The following TTLL5 variants were observed in gnomAD, a reference collection of about 807,000 sequenced individuals.
TTLL5 encodes the protein tubulin tyrosine ligase like 5, also known as tubulin polyglutamylase TTLL5.
In TTLL5, 132 loss-of-function variants were observed where a neutral mutation model predicts 168.4. That is an observed-to-expected ratio of 0.78 (90% CI 0.68 to 0.91). The LOEUF is 0.91. Ranked by LOEUF, TTLL5 falls within the 40% of genes least tolerant of loss-of-function variation. TTLL5 has a pLI of 0.00. For missense variants in TTLL5, 1,545 were observed against 1,581.5 expected (o/e 0.98, Z 0.39); for synonymous variants, 546 against 558.6 (o/e 0.98, Z 0.32).
intron 17 of TTLL5, among the ~76,000 whole-genome samples, chr14:75,750,403 A>G (rs996759394): frequency 6.6e-6 from 1 of 151,392 alleles, no homozygotes; most frequent in African/African-American, 2.4e-5. Flanking sequence ...TTGACCCTTA[A>G]GCAACATGGA....
At chr14:75,719,530 CTG>C (rs1289596077) in intron 10 of TTLL5, among the ~76,000 whole-genome samples, 2 of 152,028 alleles carry the variant, frequency 1.3e-5, no homozygotes, top group African/African-American at 2.4e-5. Flanking sequence ...AAAAGGCAAA[CTG>C]TATGCATTTT....
chr14:75,886,820 T>G lies in TTLL5; in HGVS notation c.3740+3918T>G, dbSNP rs565608461. The G allele has an allele frequency of 1.5e-5, 23 of 1,565,252 alleles. No individual in the cohort carries two copies. The Admixed American group carries it at 3.2e-4, about 22-fold the overall frequency. ...TCTGAACTGTCTCTTGTAAATGAGCTTTTTTCAGAGCCAGAATCATACTCT... is the reference window on the plus strand; with the variant it reads ...TCTGAACTGTCTCTTGTAAATGAGCGTTTTTCAGAGCCAGAATCATACTCT... On this transcript the variant is annotated intron_variant, in intron 30 of 31. Transcript: ENST00000298832.
rs570225024 is a variant in TTLL5, at chr14:75,719,874, T to C, written c.934+48T>C. 5.2e-6 allele frequency: 8 copies of C among 1,548,060 alleles called. No individual in the cohort carries two copies. In the Admixed American group the frequency reaches 6.7e-5, roughly 13 times the overall value. On this transcript the variant is annotated intron_variant, in intron 11 of 31. Transcript: ENST00000298832. The stretch of plus-strand genomic sequence containing the variant: ...TCTTGACTTCTCTTCTTTGGATAAC[T>C]TTATCATTGTCTCTTGCCAGGAATC...
intron 30 of TTLL5, among the ~76,000 whole-genome samples, chr14:75,888,148 G>A (rs1019142498): frequency 7.2e-5 from 11 of 152,170 alleles, no homozygotes; most frequent in Non-Finnish European, 1.5e-4. Flanking sequence ...TCGTCATTTG[G>A]ACCTCAGTGG....
intron 14 of TTLL5, 113 bp from the exon 15 acceptor site, chr14:75,735,082 C>G (rs1888797278): frequency 1.1e-6 from 1 of 914,482 alleles, no homozygotes; most frequent in Non-Finnish European, 1.8e-6. Flanking sequence ...GGATAGATCT[C>G]TGTGATATTT....
chr14:75,872,913 A>AC (rs1431615598), intron 29 of TTLL5, among the ~76,000 whole-genome samples: 1 of 2,052 alleles, frequency 4.9e-4, no homozygotes, highest in African/African-American at 6.7e-3. Flanking sequence ...ACTCCATCTC[A>AC]AAAAAAAAAA....
intron 28 of TTLL5, among the ~76,000 whole-genome samples, chr14:75,824,003 T>G (rs175885): frequency 0.12 from 18,480 of 152,288 alleles, 1,492 homozygotes; most frequent in East Asian, 0.4. Flanking sequence ...TCTTTTAGAT[T>G]ATTCTTAGAA....
intron 2 of TTLL5, among the ~76,000 whole-genome samples, chr14:75,665,326 T>TAC (rs1883177049): frequency 6.6e-6 from 1 of 152,190 alleles, no homozygotes; most frequent in South Asian, 2.1e-4. Flanking sequence ...GTAAGATCAG[T>TAC]ACACTGGGAG....
intron 12 of TTLL5, among the ~76,000 whole-genome samples, chr14:75,729,421 C>T (rs954729811): frequency 6.6e-6 from 1 of 150,448 alleles, no homozygotes; most frequent in Non-Finnish European, 1.5e-5. Context: ...ATCTTCAATG[C>T]CCATAGAAAA....
intron 31 of TTLL5, among the ~76,000 whole-genome samples, chr14:75,937,649 C>T (rs947008206): frequency 3.9e-5 from 6 of 152,146 alleles, no homozygotes; most frequent in Admixed American, 1.3e-4. Flanking sequence ...GCTTATTTCA[C>T]TTAGCATAGT....
chr14:75,780,503 C>T (rs1199874724), intron 24 of TTLL5, among the ~76,000 whole-genome samples: 14 of 152,142 alleles, frequency 9.2e-5, no homozygotes, highest in Admixed American at 9.2e-4. Context: ...ACAAACAAAG[C>T]TCTGTGCTTT....
intron 9 of TTLL5, among the ~76,000 whole-genome samples, chr14:75,715,722 C>T (rs552726945): frequency 5.3e-5 from 8 of 151,952 alleles, no homozygotes; most frequent in East Asian, 3.9e-4. Flanking sequence ...TAGAATTCCA[C>T]GCTTTGATAT....
chr14:75,827,707 C>CTTTT lies in TTLL5; in HGVS notation c.3326+7574_3326+7577dup, dbSNP rs561078439. 1.6e-3 allele frequency among the ~76,000 whole-genome samples: 85 copies of CTTTT among 53,204 alleles called. 4 individuals are homozygous for CTTTT. The highest frequency in any genetic ancestry group is 3.9e-3 in the East Asian group (5 of 1,298). 34.9% of individuals were successfully genotyped at this position (53,204 alleles called of 152,430 possible). On this transcript the variant is annotated intron_variant, in intron 28 of 31. Transcript: ENST00000298832. Reference sequence around the variant, plus strand: ...AATCAATACCACATTTGGCTTGGTTCTTTTTTTTTTTTTTTTTTTTTTTTT... The same window carrying CTTTT: ...AATCAATACCACATTTGGCTTGGTTCTTTTTTTTTTTTTTTTTTTTTTTTTTTTT...
At chr14:75,665,744 C>T (rs1224513260) in intron 2 of TTLL5, among the ~76,000 whole-genome samples, 22 of 152,088 alleles carry the variant, frequency 1.4e-4, no homozygotes, top group South Asian at 6.3e-4. Context: ...CCCAGCTACT[C>T]GGGAGGCTGA....
At chr14:75,917,798 A>G (rs7154070) in intron 31 of TTLL5, among the ~76,000 whole-genome samples, 122,300 of 152,154 alleles carry the variant, frequency 0.8, 49,351 homozygotes, top group African/African-American at 0.87. Context: ...AGCTGAAGTG[A>G]GGAGGTAGGA....
chr14:75,857,765 C>G (rs781412353), intron 28 of TTLL5, among the ~76,000 whole-genome samples: 1 of 151,858 alleles, frequency 6.6e-6, no homozygotes, highest in Non-Finnish European at 1.5e-5. Context: ...GATTCTCCTG[C>G]CTCAGCCTCC....
intron 4 of TTLL5, among the ~76,000 whole-genome samples, chr14:75,682,743 AT>A (rs1884718434): frequency 1.3e-5 from 2 of 151,422 alleles, no homozygotes; most frequent in East Asian, 3.9e-4. Flanking sequence ...TGTAAGAGAC[AT>A]TTTGAGGAAG....
chr14:75,756,761 A>G (rs1489804701), intron 18 of TTLL5, among the ~76,000 whole-genome samples: 3 of 152,098 alleles, frequency 2.0e-5, no homozygotes, highest in African/African-American at 7.2e-5. Context: ...ACCTACCTCG[A>G]CCTCCCAAAG....
Position 75,782,475 on chromosome 14 carries a change from T to G in TTLL5, c.2516-12T>G, listed in dbSNP as rs1892117878. On this transcript the variant is annotated splice_polypyrimidine_tract_variant and intron_variant, in intron 24 of 31. Transcript: ENST00000298832. ...TTATAAGAGAGTCCAAGCTCATTAT[T>G]TCTTATTTCAGATCACCCTGAGACT... The G allele has an allele frequency of 6.2e-7, 1 of 1,607,462 alleles. No individual in the cohort carries two copies. Among genetic ancestry groups the G allele is most frequent in the Non-Finnish European group, 8.5e-7 (1 of 1,176,202 alleles).
Sources: gnomAD v4.1 joint callset for allele counts (sites outside exome capture counted in the v4.1 genomes callset) on GRCh38, gnomAD v4.1.1 for gene constraint, MANE v1.5 for transcripts, NCBI Gene and HGNC (gene_info 2026-07-23, HGNC 2026-07-21) for gene names.